RAI1: variants seen among roughly 807,000 people sequenced by gnomAD.
RAI1 encodes retinoic acid induced 1.
In RAI1, 9 loss-of-function variants were observed where a neutral mutation model predicts 123.8. The ratio of observed to expected loss-of-function variants is 0.07; its 90% CI spans 0.04 to 0.13. RAI1 has a LOEUF of 0.13. Ranked by LOEUF, RAI1 falls within the 10% of genes least tolerant of loss-of-function variation. The pLI, the probability that RAI1 is intolerant of heterozygous loss-of-function variation, is 1.00. For synonymous variants in RAI1, 1,231 were observed against 1,127.3 expected, an observed-to-expected ratio of 1.09 and a Z score of -1.84; for missense variants, 2,256 against 2,545.8, an observed-to-expected ratio of 0.89 and a Z score of 2.45.
In RAI1 at chr17:17,809,094, GGAGGGACT is replaced by G. The variant is rs1444006588; in HGVS notation, c.5660-286_5660-279del. 4 of 500,122 alleles carry G rather than the reference GGAGGGACT, an allele frequency of 8.0e-6. No individual in the cohort carries two copies. Among genetic ancestry groups the G allele is most frequent in the Non-Finnish European group, 1.5e-5 (4 of 272,118 alleles). 31.0% of individuals were successfully genotyped at this position (500,122 alleles called of 1,614,324 possible). ...GCTGGCAGAGTAAGGCGGGAGGGAG[GGAGGGACT>G]GAGGGACTGCCTCAAGTGAGGAGGG... On this transcript the variant is annotated intron_variant, in intron 4 of 5. Transcript: ENST00000353383. The surrounding 1 kb of genome is among the most constrained non-coding windows in gnomAD (Gnocchi z 4.9).
At position 17,805,965 on chromosome 17, in the gene RAI1, C is replaced by T. The variant is rs150722374; in HGVS notation, c.5659+2116C>T. On this transcript the variant is annotated intron_variant, in intron 4 of 5. Coordinates refer to ENST00000353383, the MANE Select transcript of RAI1 (RefSeq NM_030665.4). ...TGGCTGCCTCACCCACAGCACACAG[C>T]ATGGCGTGGACAGTCCCAGGACTTA... Among the ~76,000 whole-genome samples the T allele has an allele frequency of 4.6e-3, 698 of 152,346 alleles. 4 individuals carry two copies. The highest frequency in any genetic ancestry group is 0.014 in the African/African-American group (600 of 41,586).
intron 3 of RAI1, among the ~76,000 whole-genome samples, chr17:17,803,295 C>G (rs953273174): frequency 6.6e-6 from 1 of 152,142 alleles, no homozygotes; most frequent in Non-Finnish European, 1.5e-5. Context: ...CAGTGCTGAA[C>G]CTCCTTCTGG....
rs1289389018 is a variant in RAI1 at position 17,800,271 on chromosome 17, C to T, written c.5565+1758C>T. Among the ~76,000 whole-genome samples the T allele has an allele frequency of 6.7e-6, 1 of 149,750 alleles. No individual in the cohort carries two copies. Among genetic ancestry groups the T allele is most frequent in the East Asian group, 1.9e-4 (1 of 5,142 alleles). ...AGCGCCTTGAAACAGGTTCAAGTCT[C>T]TCCCGTCATCAAAAAATAATAACCC... is the stretch of plus-strand genomic sequence containing the variant. On this transcript the variant is annotated intron_variant, in intron 3 of 5. Coordinates refer to ENST00000353383, the MANE Select transcript of RAI1 (RefSeq NM_030665.4). This position sits in a 1 kb window ranked among gnomAD's most constrained non-coding sequence, Gnocchi z 4.7.
rs1914590109 is a variant in RAI1, at chr17:17,685,265, A to AT, written c.-149+3476dup. Among the ~76,000 whole-genome samples the AT allele has an allele frequency of 1.3e-5, 2 of 152,174 alleles. No homozygotes were observed. Among genetic ancestry groups the AT allele is most frequent in the Admixed American group, 6.5e-5 (1 of 15,288 alleles). ...GGGCACTGGGCCCAAGGGAACAGGGATTTTCCAAGGACCCACTGTTTCCAA... is the reference window on the plus strand; with the variant it reads ...GGGCACTGGGCCCAAGGGAACAGGGATTTTTCCAAGGACCCACTGTTTCCAA... On this transcript the variant is annotated intron_variant, in intron 1 of 5. Transcript: ENST00000353383. This position sits in a 1 kb window ranked among gnomAD's most constrained non-coding sequence, Gnocchi z 4.0.
At chr17:17,715,702 G>T (rs1442802279) in intron 1 of RAI1, among the ~76,000 whole-genome samples, 3 of 152,160 alleles carry the variant, frequency 2.0e-5, no homozygotes, top group Admixed American at 6.5e-5. Context: ...TTCCAGGAGT[G>T]ATCTCCACAG....
In RAI1 at chr17:17,796,182, T is replaced by G. The variant is rs960607578; in HGVS notation, c.3234T>G (p.Pro1078=). The G allele has an allele frequency of 5.1e-6, 8 of 1,555,110 alleles. 1 individual carries two copies. In the Admixed American group the frequency reaches 1.5e-4, roughly 30 times the overall value. ...TPGPPGLTTT[P]APPDKLGGKQ... The stretch of plus-strand genomic sequence containing the variant: ...GACCCCCAGGCCTGACCACCACCCC[T>G]GCACCCCCAGACAAACTGGGGGGCA... Residue 1078 remains proline, a synonymous_variant, in exon 3 of 6, where the codon CCT becomes CCG. Transcript: ENST00000353383. The surrounding 1 kb of genome is among the most constrained non-coding windows in gnomAD (Gnocchi z 5.8).
chr17:17,708,803 G>A (rs1316834415), intron 1 of RAI1, among the ~76,000 whole-genome samples: 1 of 152,202 alleles, frequency 6.6e-6, no homozygotes, highest in Non-Finnish European at 1.5e-5. Context: ...ACCATAAGTG[G>A]ACACCATAAC....
At chr17:17,700,303 A>G (rs1915174557) in intron 1 of RAI1, among the ~76,000 whole-genome samples, 1 of 152,054 alleles carries the variant, frequency 6.6e-6, no homozygotes, top group Non-Finnish European at 1.5e-5. Flanking sequence ...GACGAGGTCA[A>G]GCTCCGCGGC....
Position 17,810,733 on chromosome 17 carries a change from G to A in RAI1, c.*752G>A. On this transcript the variant is annotated 3_prime_UTR_variant, in exon 6 of 6. Coordinates refer to ENST00000353383, the MANE Select transcript of RAI1 (RefSeq NM_030665.4). The surrounding 1 kb of genome is among the most constrained non-coding windows in gnomAD (Gnocchi z 4.6). ...TTGGCCTCTGTTTGTCCCCTTTCCA[G>A]TCCTCCACCCCACCCCTGGAGCCCA... is the stretch of plus-strand genomic sequence containing the variant. 2.3e-6 allele frequency: 1 copy of A among 441,578 alleles called. No individual in the cohort carries two copies. The highest frequency in any genetic ancestry group is 4.6e-6 in the Non-Finnish European group (1 of 217,038). The allele number at this position is 441,578 out of a possible 1,614,324, so 27.4% of individuals were successfully genotyped here.
intron 2 of RAI1, among the ~76,000 whole-genome samples, chr17:17,746,666 G>A (rs1236742489): frequency 5.6e-5 from 6 of 107,432 alleles, no homozygotes; most frequent in Admixed American, 1.1e-4. Flanking sequence ...ATGGAGTTTC[G>A]CTTTTGTTGC....
In RAI1 at chr17:17,794,944, G is replaced by T; in HGVS notation, c.1996G>T (p.Ala666Ser). 1 of 1,613,730 alleles carries T rather than the reference G, an allele frequency of 6.2e-7. No individual in the cohort carries two copies. The highest frequency in any genetic ancestry group is 8.5e-7 in the Non-Finnish European group (1 of 1,180,030). ...SAWPRPGEPE[A>S]LPDSLQLDKG... ...GTGGCCCCGGCCTGGGGAGCCGGAG[G>T]CCCTGCCCGACTCCTTGCAGCTGGA... The change falls in exon 3 of 6, where the codon GCC becomes TCC. Residue 666 changes from alanine (A) to serine (S), a missense_variant. This residue lies in a region of RAI1 where 566 missense variants were observed against 616.0 expected (regional missense o/e 0.92). Coordinates refer to ENST00000353383, the MANE Select transcript of RAI1 (RefSeq NM_030665.4).
chr17:17,783,221 G>C (rs1178134773), intron 2 of RAI1, among the ~76,000 whole-genome samples: 3 of 152,048 alleles, frequency 2.0e-5, no homozygotes, highest in African/African-American at 7.2e-5. Context: ...CGAGGACCGG[G>C]CCCGCCCCGG....
Position 17,714,728 on chromosome 17 carries a change from G to C in RAI1, c.-148-9300G>C, listed in dbSNP as rs1009926093. Among the ~76,000 whole-genome samples the C allele has an allele frequency of 2.0e-5, 3 of 152,232 alleles. No homozygotes were observed. Among genetic ancestry groups the C allele is most frequent in the Admixed American group, 6.5e-5 (1 of 15,290 alleles). ...AGCAGCAGGCAGCCTCTCCCCTGCA[G>C]AAGGGCACAGAAGCAGGACTGGAAG... On this transcript the variant is annotated intron_variant, in intron 1 of 5. Transcript: ENST00000353383. The surrounding 1 kb of genome is among the most constrained non-coding windows in gnomAD (Gnocchi z 4.9).
At chr17:17,804,840 T>TTTTATTTATTTATTTA (rs575206893) in intron 4 of RAI1, among the ~76,000 whole-genome samples, 64 of 149,464 alleles carry the variant, frequency 4.3e-4, no homozygotes, top group African/African-American at 1.2e-3. Context: ...GTGTTTTTAT[T>TTTTATTTATTTATTTA]TTTATTTATT....
intron 3 of RAI1, among the ~76,000 whole-genome samples, chr17:17,803,240 G>A (rs1289627805): frequency 6.6e-6 from 1 of 152,088 alleles, no homozygotes; most frequent in Non-Finnish European, 1.5e-5. Context: ...CAATGTACCA[G>A]CCCAGAGGGT....
chr17:17,811,058 A>C lies in RAI1; in HGVS notation c.*1077A>C. ...CGCGACGCCACTTGTCCACGCAGCC[A>C]CCACCGGCCCGGGCCAGTCCCTGCC... On this transcript the variant is annotated 3_prime_UTR_variant, in exon 6 of 6. Coordinates refer to ENST00000353383, the MANE Select transcript of RAI1 (RefSeq NM_030665.4). 3.2e-6 allele frequency: 1 copy of C among 308,378 alleles called. No individual in the cohort carries two copies. The highest frequency in any genetic ancestry group is 6.5e-6 in the Non-Finnish European group (1 of 154,786). The allele number at this position is 308,378 out of a possible 1,614,324, so 19.1% of individuals were successfully genotyped here.
intron 4 of RAI1, among the ~76,000 whole-genome samples, chr17:17,806,356 G>A (rs1279967076): frequency 1.3e-5 from 2 of 152,202 alleles, no homozygotes; most frequent in Non-Finnish European, 2.9e-5. Context: ...CTGTAGCACC[G>A]TGAAGATTGA....
chr17:17,790,196 TGAGGCAGCCCTTAAA>T (rs1187337743), intron 2 of RAI1, among the ~76,000 whole-genome samples: 6 of 152,182 alleles, frequency 3.9e-5, no homozygotes, highest in Admixed American at 3.9e-4. Flanking sequence ...ATAGCAGGCC[TGAGGCAGCCCTTAAA>T]GAGGCAGTGC....
chr17:17,798,247 G>A lies in RAI1; in HGVS notation c.5299G>A (p.Gly1767Ser). 1.2e-6 allele frequency: 2 copies of A among 1,608,108 alleles called. No homozygotes were observed. The highest frequency in any genetic ancestry group is 1.7e-6 in the Non-Finnish European group (2 of 1,177,508). Residue 1767 changes from glycine to serine, a missense_variant, in exon 3 of 6, where the codon GGC becomes AGC. By Grantham distance (56) the Gly-to-Ser change is moderately conservative. This residue lies in a region of RAI1 where 243 missense variants were observed against 316.6 expected (regional missense o/e 0.77). Coordinates refer to ENST00000353383, the MANE Select transcript of RAI1 (RefSeq NM_030665.4). ...CGGCCCAGCTGACCCGGCCAAGCAG[G>A]GCCCACTGCGCACCAGTGCCCGGGG... ...PDGPADPAKQGPLRTSARGLS... is the reference protein window; with the variant it reads ...PDGPADPAKQSPLRTSARGLS...
Sources: allele counts gnomAD v4.1 joint callset (sites outside exome capture counted in the v4.1 genomes callset), GRCh38; gene constraint gnomAD v4.1.1; regional missense constraint gnomAD v4.1.1; non-coding constraint Gnocchi (gnomAD v3.1); transcripts MANE v1.5; gene names NCBI Gene and HGNC (gene_info 2026-07-23, HGNC 2026-07-21).